COL8A1: variants seen among roughly 807,000 people sequenced by gnomAD.
COL8A1 encodes the protein collagen alpha-1(VIII) chain.
Under a neutral mutation model 42.7 loss-of-function variants are expected in COL8A1, and 21 were observed. The ratio of observed to expected loss-of-function variants is 0.49; its 90% confidence interval spans 0.35 to 0.71. The LOEUF is 0.71. COL8A1 is among the 30% of genes least tolerant of loss of function. The pLI, the probability that COL8A1 is intolerant of heterozygous loss-of-function variation, is 0.01. For synonymous variants in COL8A1, 367 were observed against 369.1 expected (o/e 0.99, Z 0.06); for missense variants, 788 against 962.4 (o/e 0.82, Z 2.40).
chr3:99,762,194 T>C (rs1941377908), intron 2 of COL8A1, among the ~76,000 whole-genome samples: 1 of 152,240 alleles, frequency 6.6e-6, no homozygotes, highest in Non-Finnish European at 1.5e-5. Flanking sequence ...TCCTCTGCTC[T>C]TGTATTTGAA....
At chr3:99,722,458 G>A in intron 1 of COL8A1, among the ~76,000 whole-genome samples, 1 of 152,072 alleles carries the variant, frequency 6.6e-6, no homozygotes, top group Non-Finnish European at 1.5e-5. Flanking sequence ...TACCTGACAA[G>A]ACTTATATTA....
chr3:99,774,901 A>G (rs1461092904), intron 2 of COL8A1, among the ~76,000 whole-genome samples: 3 of 152,232 alleles, frequency 2.0e-5, no homozygotes, highest in Non-Finnish European at 4.4e-5. Flanking sequence ...TAGACCTCCA[A>G]TCTTCAAGTT....
At chr3:99,735,167 G>A (rs1327509230) in intron 1 of COL8A1, among the ~76,000 whole-genome samples, 1 of 139,330 alleles carries the variant, frequency 7.2e-6, no homozygotes, top group South Asian at 2.4e-4. Flanking sequence ...AATTGCCCTG[G>A]CCAGAACTTC....
rs1045128176 is a variant in COL8A1 at position 99,799,205 on chromosome 3, A to G, written c.*3069A>G. 2 of 152,254 alleles carry G rather than the reference A, an allele frequency of 1.3e-5. No individual in the cohort carries two copies. Among genetic ancestry groups the G allele is most frequent in the African/African-American group, 4.8e-5 (2 of 41,466 alleles). The allele number at this position is 152,254 out of a possible 1,614,324, so 9.4% of individuals were successfully genotyped here. ...ACTGATTTGAAAAACATCATTAAAT[A>G]TCTTTAAAAGTATGTTTCTCATCTT... On this transcript the variant is annotated 3_prime_UTR_variant, in exon 4 of 4. Coordinates refer to ENST00000652472, the MANE Select transcript of COL8A1 (RefSeq NM_020351.4).
intron 2 of COL8A1, among the ~76,000 whole-genome samples, chr3:99,778,163 C>T (rs141089786): frequency 5.9e-4 from 90 of 152,278 alleles, no homozygotes; most frequent in Admixed American, 1.9e-3. Flanking sequence ...ACACCTATCC[C>T]ATTTCATGTT....
intron 1 of COL8A1, among the ~76,000 whole-genome samples, chr3:99,727,176 T>C (rs1443170757): frequency 6.6e-6 from 1 of 152,176 alleles, no homozygotes; most frequent in African/African-American, 2.4e-5. Context: ...TTTGAAGCAA[T>C]TGTGAATGGG....
At chr3:99,658,711 G>T (rs1938107722) in intron 1 of COL8A1, among the ~76,000 whole-genome samples, 1 of 152,208 alleles carries the variant, frequency 6.6e-6, no homozygotes, top group Non-Finnish European at 1.5e-5. Flanking sequence ...TCAACCAAGG[G>T]TCTAGGAAAA....
chr3:99,683,085 T>C (rs1028302617), intron 1 of COL8A1, among the ~76,000 whole-genome samples: 1 of 152,218 alleles, frequency 6.6e-6, no homozygotes, highest in Non-Finnish European at 1.5e-5. Context: ...TTAAATAACA[T>C]GTATGTGAAA....
chr3:99,783,304 G>C (rs925850645), intron 2 of COL8A1, among the ~76,000 whole-genome samples: 4 of 152,202 alleles, frequency 2.6e-5, no homozygotes, highest in African/African-American at 9.7e-5. Flanking sequence ...GACTTCTCAA[G>C]TTTCGTTGGT....
intron 1 of COL8A1, among the ~76,000 whole-genome samples, chr3:99,735,229 A>T (rs1214368314): frequency 1.4e-5 from 2 of 141,484 alleles, no homozygotes; most frequent in African/African-American, 5.5e-5. Flanking sequence ...GTCTTGTGCC[A>T]GTTTTCAAAG....
chr3:99,712,543 C>T lies in COL8A1; in HGVS notation c.-128-32354C>T, dbSNP rs550239241. Among the ~76,000 whole-genome samples, 384 of 152,250 alleles carry T rather than the reference C, an allele frequency of 2.5e-3. 2 individuals carry two copies. The highest frequency in any genetic ancestry group is 3.7e-3 in the Non-Finnish European group (251 of 68,002). On this transcript the variant is annotated intron_variant, in intron 1 of 3. Transcript: ENST00000652472. ...AGCTGAGGATGCCTAACAAATATGA[C>T]TTTCTCTTGGCATATGAAACACAAC...
At chr3:99,728,861 G>C (rs1940417217) in intron 1 of COL8A1, among the ~76,000 whole-genome samples, 1 of 151,986 alleles carries the variant, frequency 6.6e-6, no homozygotes, top group East Asian at 1.9e-4. Context: ...CAAATATCTG[G>C]ATAAGTAAAA....
chr3:99,705,712 T>A (rs553419211), intron 1 of COL8A1, among the ~76,000 whole-genome samples: 1 of 152,242 alleles, frequency 6.6e-6, no homozygotes, highest in East Asian at 1.9e-4. Flanking sequence ...ATCTCAAAAG[T>A]TCACTGATTT....
At chr3:99,668,383 C>T (rs1938429691) in intron 1 of COL8A1, among the ~76,000 whole-genome samples, 1 of 152,020 alleles carries the variant, frequency 6.6e-6, no homozygotes, top group African/African-American at 2.4e-5. Flanking sequence ...ATTTAATCCC[C>T]CTTGGGGATT....
At chr3:99,661,966 G>A (rs1452757759) in intron 1 of COL8A1, among the ~76,000 whole-genome samples, 1 of 152,122 alleles carries the variant, frequency 6.6e-6, no homozygotes, top group Non-Finnish European at 1.5e-5. Flanking sequence ...AGGGAAGGAG[G>A]AAATGGGGAG....
At chr3:99,743,999 G>A (rs1284885286) in intron 1 of COL8A1, among the ~76,000 whole-genome samples, 1 of 151,782 alleles carries the variant, frequency 6.6e-6, no homozygotes, top group Non-Finnish European at 1.5e-5. Context: ...CGCGATCTCG[G>A]CTCACCGCAA....
chr3:99,738,702 G>A (rs1222138649), intron 1 of COL8A1, among the ~76,000 whole-genome samples: 1 of 151,970 alleles, frequency 6.6e-6, no homozygotes, highest in Non-Finnish European at 1.5e-5. Flanking sequence ...GCCCCCAGAG[G>A]TGGAGCCTAC....
chr3:99,754,207 G>C (rs1479649620), intron 2 of COL8A1, among the ~76,000 whole-genome samples: 3 of 152,110 alleles, frequency 2.0e-5, no homozygotes, highest in African/African-American at 7.2e-5. Flanking sequence ...TTAAGATTTG[G>C]AATCATTTTT....
intron 1 of COL8A1, among the ~76,000 whole-genome samples, chr3:99,720,285 G>T (rs1450563428): frequency 6.6e-6 from 1 of 152,108 alleles, no homozygotes; most frequent in African/African-American, 2.4e-5. Flanking sequence ...CGCATTGGCT[G>T]ACCCAGCCTC....
Sources: gnomAD v4.1 joint callset for allele counts (sites outside exome capture counted in the v4.1 genomes callset) on GRCh38, gnomAD v4.1.1 for gene constraint, MANE v1.5 for transcripts, NCBI Gene and HGNC (gene_info 2026-07-23, HGNC 2026-07-21) for gene names.